The following EYA1 variants were observed in gnomAD, a reference collection of about 807,000 sequenced individuals.
EYA1 encodes protein phosphatase EYA1.
Under a neutral mutation model 82.0 loss-of-function variants are expected in EYA1, and 16 were observed. The ratio of observed to expected loss-of-function variants is 0.20; its 90% CI spans 0.13 to 0.30. The LOEUF is 0.30. EYA1 is among the 10% of genes least tolerant of loss of function. The pLI is 1.00. For missense variants in EYA1, 633 were observed against 730.7 expected (o/e 0.87, Z 1.54); for synonymous variants, 261 against 264.4 (o/e 0.99, Z 0.12).
At chr8:71,251,979 A>T (rs137879110) in intron 11 of EYA1, among the ~76,000 whole-genome samples, 5 of 152,262 alleles carry the variant, frequency 3.3e-5, no homozygotes, top group Admixed American at 1.3e-4. Context: ...GTCAGCTTTG[A>T]ATTCAAATGT....
At chr8:71,389,167 G>A (rs1435451571) in intron 2 of EYA1, among the ~76,000 whole-genome samples, 2 of 151,616 alleles carry the variant, frequency 1.3e-5, no homozygotes, top group Non-Finnish European at 2.9e-5. Context: ...ATTTTTTAAT[G>A]GGGAAAAAAA....
intron 2 of EYA1, among the ~76,000 whole-genome samples, chr8:71,498,997 GC>G (rs1374112226): frequency 1.3e-5 from 2 of 152,160 alleles, no homozygotes; most frequent in East Asian, 1.9e-4. Flanking sequence ...AAGACAAGGT[GC>G]CCCCTGCCAG....
Position 71,250,049 on chromosome 8 carries a change from T to C in EYA1, c.1051-5357A>G, listed in dbSNP as rs572595247. Among the ~76,000 whole-genome samples the C allele has an allele frequency of 6.1e-3, 926 of 151,938 alleles. 5 individuals carry two copies. The highest frequency in any genetic ancestry group is 0.01 in the Middle Eastern group (3 of 294). On this transcript the variant is annotated intron_variant, in intron 11 of 17. Coordinates refer to ENST00000340726, the MANE Select transcript of EYA1 (RefSeq NM_000503.6). The stretch of plus-strand genomic sequence containing the variant: ...TCTTTGCTTTCTTGTTTTTTTTTTT[T>C]CCCCTTAGCCTTGTGTCTTTTGTGG...
intron 3 of EYA1, among the ~76,000 whole-genome samples, chr8:71,347,225 C>T (rs1309126934): frequency 6.6e-6 from 1 of 152,206 alleles, no homozygotes; most frequent in African/African-American, 2.4e-5. Context: ...CTTTGTATCT[C>T]TTCTGCAACA....
intron 2 of EYA1, among the ~76,000 whole-genome samples, chr8:71,417,226 C>G (rs1273184168): frequency 1.3e-5 from 2 of 152,196 alleles, no homozygotes; most frequent in African/African-American, 4.8e-5. Context: ...ATAAATTCCC[C>G]TTTATATATA....
At chr8:71,373,621 G>A (rs368287554) in intron 2 of EYA1, among the ~76,000 whole-genome samples, 4 of 151,976 alleles carry the variant, frequency 2.6e-5, no homozygotes, top group African/African-American at 9.7e-5. Flanking sequence ...ATTTTCTCCA[G>A]AAATAGTAAA....
chr8:71,435,791 C>T (rs77586371), intron 2 of EYA1, among the ~76,000 whole-genome samples: 17,752 of 152,100 alleles, frequency 0.12, 1,072 homozygotes, highest in South Asian at 0.17. Flanking sequence ...AGAGCCTTCT[C>T]TTGGCAATAT....
At chr8:71,426,018 G>A (rs926065426) in intron 2 of EYA1, among the ~76,000 whole-genome samples, 1 of 152,132 alleles carries the variant, frequency 6.6e-6, no homozygotes, top group African/African-American at 2.4e-5. Flanking sequence ...ATTTTTTCTG[G>A]GAGGTTAGTT....
chr8:71,233,425 G>A (rs536195988), intron 12 of EYA1, among the ~76,000 whole-genome samples: 12 of 152,096 alleles, frequency 7.9e-5, no homozygotes, highest in Non-Finnish European at 1.3e-4. Flanking sequence ...TTAGTTGGGC[G>A]TGGTGGTGGG....
chr8:71,292,159 G>T (rs1340842029), intron 9 of EYA1, among the ~76,000 whole-genome samples: 1 of 152,036 alleles, frequency 6.6e-6, no homozygotes, highest in Non-Finnish European at 1.5e-5. Flanking sequence ...TCTTTTGAAA[G>T]AATATATTTA....
At chr8:71,438,171 CA>C (rs1257909166) in intron 2 of EYA1, among the ~76,000 whole-genome samples, 2 of 151,940 alleles carry the variant, frequency 1.3e-5, no homozygotes, top group Non-Finnish European at 2.9e-5. Context: ...AAACAATAAA[CA>C]AAAATAGAAC....
intron 12 of EYA1, among the ~76,000 whole-genome samples, chr8:71,226,770 G>A (rs534416419): frequency 6.6e-6 from 1 of 151,246 alleles, no homozygotes; most frequent in Non-Finnish European, 1.5e-5. Flanking sequence ...TTTTTTAAAA[G>A]TATACAATAA....
chr8:71,545,025 T>C (rs1203129541), intron 1 of EYA1, among the ~76,000 whole-genome samples: 1 of 152,162 alleles, frequency 6.6e-6, no homozygotes, highest in Non-Finnish European at 1.5e-5. Flanking sequence ...CAGATAGAAA[T>C]GATGAATGGG....
rs796450512 is a variant in EYA1, at chr8:71,197,922, T to G, written c.*1418A>C. 3.9e-5 allele frequency: 6 copies of G among 152,336 alleles called. No homozygotes were observed. The highest frequency in any genetic ancestry group is 1.4e-4 in the African/African-American group (6 of 41,582). The allele number at this position is 152,336 out of a possible 1,614,324, so 9.4% of individuals were successfully genotyped here. A position where few individuals can be genotyped will look rare whatever the true frequency, so the allele number is the denominator to read the frequency against. ...GTGATAATTTTATTATTTCCCCAGA[T>G]TGATGCCTGTCATGTAGTACATAAT... On this transcript the variant is annotated 3_prime_UTR_variant, in exon 18 of 18. Transcript: ENST00000340726.
At chr8:71,321,284 G>T (rs953472641) in intron 6 of EYA1, among the ~76,000 whole-genome samples, 16 of 152,174 alleles carry the variant, frequency 1.1e-4, no homozygotes. Flanking sequence ...GCTGAAATTT[G>T]AGACTATTAC....
chr8:71,213,747 A>G (rs1015710450), intron 16 of EYA1, among the ~76,000 whole-genome samples: 4 of 152,192 alleles, frequency 2.6e-5, no homozygotes, highest in East Asian at 1.9e-4. Context: ...GTCTCTTCCA[A>G]TGCAACACTG....
intron 11 of EYA1, among the ~76,000 whole-genome samples, chr8:71,246,708 A>G (rs1327905906): frequency 2.6e-5 from 4 of 152,226 alleles, no homozygotes; most frequent in Non-Finnish European, 5.9e-5. Context: ...ATATTCTCAC[A>G]TAGACTAATA....
At chr8:71,358,256 T>G (rs778424295) in intron 1 of EYA1, among the ~76,000 whole-genome samples, 12 of 152,194 alleles carry the variant, frequency 7.9e-5, no homozygotes, top group Non-Finnish European at 1.2e-4. Flanking sequence ...AAAGAAAAAG[T>G]GAACTTCAAA....
intron 12 of EYA1, among the ~76,000 whole-genome samples, chr8:71,217,701 G>A (rs1809392107): frequency 6.6e-6 from 1 of 151,618 alleles, no homozygotes; most frequent in African/African-American, 2.4e-5. Context: ...TACATTTTTT[G>A]TGTTATTTTT....
Sources: gnomAD v4.1 joint callset for allele counts (sites outside exome capture counted in the v4.1 genomes callset) on GRCh38, gnomAD v4.1.1 for gene constraint, MANE v1.5 for transcripts, NCBI Gene and HGNC (gene_info 2026-07-23, HGNC 2026-07-21) for gene names.